The following LAMA3 variants were observed in gnomAD, a reference collection of about 807,000 sequenced individuals.
The protein encoded by LAMA3 is laminin subunit alpha 3, also known as laminin subunit alpha-3.
Under a neutral mutation model 402.0 loss-of-function variants are expected in LAMA3, and 281 were observed. That is an observed-to-expected ratio of 0.70 (90% CI 0.63 to 0.77). The LOEUF (loss-of-function observed/expected upper bound fraction) is 0.77. Among genes scored for constraint, LAMA3 ranks in the 30% least tolerant of loss-of-function variants. The pLI is 0.00. For missense variants in LAMA3, 3,840 were observed against 4,215.5 expected (o/e 0.91, Z 2.47); for synonymous variants, 1,431 against 1,558.4 (o/e 0.92, Z 1.93).
At position 23,889,989 on chromosome 18, in the gene LAMA3, C is replaced by G. The variant is rs1447394914; in HGVS notation, c.5304-22C>G. On this transcript the variant is annotated intron_variant, in intron 41 of 74. Coordinates refer to ENST00000313654, the MANE Select transcript of LAMA3 (RefSeq NM_198129.4). ...ACGATGAGTTATTTGGGTGTTTCTCCTCCTCTCTATATTTTGTGTAGGTGT... is the reference window on the plus strand; with the variant it reads ...ACGATGAGTTATTTGGGTGTTTCTCGTCCTCTCTATATTTTGTGTAGGTGT... 3.2e-6 allele frequency: 5 copies of G among 1,563,294 alleles called. No homozygotes were observed. The South Asian group carries it at 5.6e-5, about 17-fold the overall frequency.
intron 6 of LAMA3, among the ~76,000 whole-genome samples, chr18:23,757,999 A>G (rs191176054): frequency 8.4e-4 from 128 of 152,302 alleles, no homozygotes; most frequent in African/African-American, 2.9e-3. Flanking sequence ...AGGACTCCAG[A>G]TCTTTATGCA....
intron 60 of LAMA3, among the ~76,000 whole-genome samples, chr18:23,920,682 A>G (rs549910960): frequency 5.3e-5 from 8 of 151,576 alleles, no homozygotes; most frequent in African/African-American, 1.4e-4. Context: ...GCATGAAACA[A>G]AATCATGATC....
chr18:23,940,147 T>C (rs1425932286), intron 68 of LAMA3, among the ~76,000 whole-genome samples: 3 of 152,058 alleles, frequency 2.0e-5, no homozygotes, highest in African/African-American at 4.8e-5. Context: ...CTGTGAGAGA[T>C]GACCAGAAGG....
chr18:23,887,129 G>A (rs1238793646), intron 41 of LAMA3, among the ~76,000 whole-genome samples: 1 of 152,140 alleles, frequency 6.6e-6, no homozygotes, highest in African/African-American at 2.4e-5. Flanking sequence ...TATATGTCTG[G>A]CACAGTGCTA....
At position 23,784,170 on chromosome 18, in the gene LAMA3, A is replaced by G; in HGVS notation, c.1603+13A>G. On this transcript the variant is annotated intron_variant, in intron 12 of 74. Coordinates refer to ENST00000313654, the MANE Select transcript of LAMA3 (RefSeq NM_198129.4). ...CCTATTTGCCAAGGTAAGTGGGCAG[A>G]ACATAGCATATTCATAATCAATCCC... The G allele has an allele frequency of 6.2e-7, 1 of 1,614,114 alleles. No homozygotes were observed. The highest frequency in any genetic ancestry group is 8.5e-7 in the Non-Finnish European group (1 of 1,179,974).
At chr18:23,846,164 C>T in intron 30 of LAMA3, 133 bp from the exon 31 acceptor site, 1 of 938,418 alleles carries the variant, frequency 1.1e-6, no homozygotes, top group South Asian at 1.3e-5. Flanking sequence ...GTATTTCCCA[C>T]TCTTCCCTGA....
At chr18:23,910,414 A>G (rs967433624) in intron 55 of LAMA3, among the ~76,000 whole-genome samples, 3 of 152,180 alleles carry the variant, frequency 2.0e-5, no homozygotes, top group Non-Finnish European at 4.4e-5. Flanking sequence ...TAGTGGAAAA[A>G]CATAAAATAA....
At chr18:23,902,623 C>T (rs1326149966) in intron 48 of LAMA3, among the ~76,000 whole-genome samples, 1 of 152,174 alleles carries the variant, frequency 6.6e-6, no homozygotes, top group Non-Finnish European at 1.5e-5. Flanking sequence ...TTCCGTGTGA[C>T]CTCTCGGTCA....
intron 1 of LAMA3, among the ~76,000 whole-genome samples, chr18:23,699,436 A>G (rs929200375): frequency 6.6e-6 from 1 of 152,248 alleles, no homozygotes; most frequent in Non-Finnish European, 1.5e-5. Flanking sequence ...TGTTTCATAA[A>G]GGGGTTAAAA....
At chr18:23,936,586 C>A (rs2082321320) in intron 67 of LAMA3, among the ~76,000 whole-genome samples, 4 of 152,098 alleles carry the variant, frequency 2.6e-5, no homozygotes, top group African/African-American at 9.7e-5. Flanking sequence ...GTGACCCCTC[C>A]CTCCTGGACA....
chr18:23,732,602 T>C (rs1211537878), intron 2 of LAMA3, among the ~76,000 whole-genome samples: 2 of 152,122 alleles, frequency 1.3e-5, no homozygotes, highest in East Asian at 3.9e-4. Context: ...GCGCAGGTTT[T>C]CAGCATCAAA....
intron 67 of LAMA3, among the ~76,000 whole-genome samples, chr18:23,934,360 T>TG (rs1449115714): frequency 6.6e-6 from 1 of 152,172 alleles, no homozygotes; most frequent in Admixed American, 6.5e-5. Context: ...TAGAAACACC[T>TG]GGGGAGCTTT....
intron 12 of LAMA3, among the ~76,000 whole-genome samples, chr18:23,794,442 C>T (rs2062723615): frequency 6.6e-6 from 1 of 152,220 alleles, no homozygotes; most frequent in Non-Finnish European, 1.5e-5. Flanking sequence ...TCTTCCTCCC[C>T]CACCAAGTTG....
intron 1 of LAMA3, among the ~76,000 whole-genome samples, chr18:23,706,124 T>A (rs769179388): frequency 1.3e-5 from 2 of 152,204 alleles, no homozygotes; most frequent in Non-Finnish European, 2.9e-5. Context: ...ATCAATATTG[T>A]TTCATCCATA....
chr18:23,710,293 G>T, intron 1 of LAMA3: 1 of 509,504 alleles, frequency 2.0e-6, no homozygotes, highest in South Asian at 2.0e-5. Flanking sequence ...GCCATCTTGT[G>T]AAAAGACCGC....
intron 32 of LAMA3, among the ~76,000 whole-genome samples, chr18:23,849,349 C>T (rs931410584): frequency 6.6e-6 from 1 of 152,148 alleles, no homozygotes; most frequent in Non-Finnish European, 1.5e-5. Context: ...GGTGTGAGTC[C>T]TGCCTGAGTC....
intron 7 of LAMA3, among the ~76,000 whole-genome samples, chr18:23,759,778 C>T (rs2061931965): frequency 6.6e-6 from 1 of 152,070 alleles, no homozygotes; most frequent in Admixed American, 6.5e-5. Flanking sequence ...AAAGGTGTTC[C>T]CAGTGGTCTT....
chr18:23,880,591 A>C (rs1568291117), intron 39 of LAMA3, among the ~76,000 whole-genome samples: 9 of 152,074 alleles, frequency 5.9e-5, no homozygotes. Flanking sequence ...AAAAACTCAC[A>C]CTCATGGCTG....
chr18:23,932,752 TA>T (rs1215471283), intron 66 of LAMA3, among the ~76,000 whole-genome samples: 1 of 152,206 alleles, frequency 6.6e-6, no homozygotes, highest in Non-Finnish European at 1.5e-5. Context: ...AGTGTTTACA[TA>T]TTTTTTTTGA....
Sources: gnomAD v4.1 joint callset for allele counts (sites outside exome capture counted in the v4.1 genomes callset) on GRCh38, gnomAD v4.1.1 for gene constraint, MANE v1.5 for transcripts, NCBI Gene and HGNC (gene_info 2026-07-23, HGNC 2026-07-21) for gene names.